The following ZMAT2 variants were observed in gnomAD, a reference collection of about 807,000 sequenced individuals.
ZMAT2 encodes the protein zinc finger matrin-type 2, also known as zinc finger matrin-type protein 2.
A neutral mutation model predicts 27.5 loss-of-function variants in ZMAT2; 5 were observed. That is an observed-to-expected ratio of 0.18 (90% confidence interval 0.10 to 0.38). ZMAT2 has a LOEUF of 0.38. ZMAT2 is among the 10% of genes least tolerant of loss of function. ZMAT2 has a pLI of 1.00. For synonymous variants in ZMAT2, 76 were observed against 78.6 expected (o/e 0.97, Z 0.17); for missense variants, 124 against 243.9 (o/e 0.51, Z 3.27).
At chr5:140,701,267 C>G (rs1482504569) in intron 2 of ZMAT2, among the ~76,000 whole-genome samples, 1 of 152,132 alleles carries the variant, frequency 6.6e-6, no homozygotes, top group African/African-American at 2.4e-5. Flanking sequence ...CCCCCTCTTT[C>G]CCTTGAAATT....
intron 3 of ZMAT2, among the ~76,000 whole-genome samples, chr5:140,702,840 C>T (rs1252266669): frequency 6.6e-6 from 1 of 152,204 alleles, no homozygotes; most frequent in Admixed American, 6.5e-5. Context: ...TTTTGCCCCC[C>T]ACTGCTTCTC....
In ZMAT2 at chr5:140,700,606, G is replaced by T. The variant is rs184889941; in HGVS notation, c.18+128G>T. On this transcript the variant is annotated intron_variant, in intron 1 of 5. Transcript: ENST00000274712. ...TCGAGATCCCAGGGTTCAGGTTCAA[G>T]AACTCCCCAGTAATAGGCCTTGGCA... The T allele has an allele frequency of 9.2e-5, 142 of 1,544,660 alleles. 2 individuals carry two copies. In the East Asian group the frequency reaches 3.0e-3, roughly 33 times the overall value.
At position 140,706,114 on chromosome 5, in the gene ZMAT2, T is replaced by TG. The variant is rs1760052910; in HGVS notation, c.*359dup. ...TTGTCTGAACATCCCACCTTTATCC[T>TG]GTGTTCTGCCTTTGTTTTAATTTTA... On this transcript the variant is annotated 3_prime_UTR_variant, in exon 6 of 6. Transcript: ENST00000274712. 4.9e-6 allele frequency: 1 copy of TG among 204,850 alleles called. No homozygotes were observed. The highest frequency in any genetic ancestry group is 1.6e-4 in the South Asian group (1 of 6,122). The allele number at this position is 204,850 out of a possible 1,614,324, so 12.7% of individuals were successfully genotyped here.
At chr5:140,701,029 G>T in intron 2 of ZMAT2, 117 bp downstream of exon 2, 2 of 948,632 alleles carry the variant, frequency 2.1e-6, no homozygotes, top group Non-Finnish European at 3.1e-6. Context: ...GCAGAGTGCT[G>T]CTTCCCTGGG....
intron 5 of ZMAT2, 80 bp from the exon 6 acceptor site, chr5:140,705,533 T>C: frequency 6.7e-7 from 1 of 1,497,762 alleles, no homozygotes; most frequent in South Asian, 1.3e-5. Context: ...ATGTACTGCA[T>C]GCCCCAGAAT....
At position 140,704,566 on chromosome 5, in the gene ZMAT2, G is replaced by A; in HGVS notation, c.451G>A (p.Glu151Lys). 1.2e-6 allele frequency: 2 copies of A among 1,613,792 alleles called. No homozygotes were observed. The highest frequency in any genetic ancestry group is 1.7e-6 in the Non-Finnish European group (2 of 1,179,918). The change falls in exon 5 of 6, where the codon GAA (glutamate) becomes AAA (lysine). Residue 151 changes from glutamate to lysine, a missense_variant. By Grantham distance (56) the Glu-to-Lys change is moderately conservative. Transcript: ENST00000274712. Reference protein sequence around the residue: ...DFEERMKELREEEEKAKAYKK... With the variant: ...DFEERMKELRKEEEKAKAYKK... ...TGAGGAAAGGATGAAGGAGCTCAGA[G>A]AAGAGGTAAGGGTCTCCTATCCTTC... is the stretch of plus-strand genomic sequence containing the variant.
intron 1 of ZMAT2, 43 bp from the exon 2 acceptor site, chr5:140,700,776 C>T (rs766862085): frequency 1.2e-5 from 19 of 1,603,542 alleles, no homozygotes; most frequent in Admixed American, 1.7e-5. Flanking sequence ...TCTCTAGGGG[C>T]CCAGACACGG....
chr5:140,701,033 C>T, intron 2 of ZMAT2, 121 bp downstream of exon 2: 1 of 930,182 alleles, frequency 1.1e-6, no homozygotes, highest in South Asian at 1.7e-5. Context: ...AGTGCTGCTT[C>T]CCTGGGCCTA....
At position 140,706,500 on chromosome 5, in the gene ZMAT2, A is replaced by G. The variant is rs139197618; in HGVS notation, c.*744A>G. On this transcript the variant is annotated 3_prime_UTR_variant, in exon 6 of 6. Coordinates refer to ENST00000274712, the MANE Select transcript of ZMAT2 (RefSeq NM_144723.3). ...TCATGTTTCATTTTCCTGAAGATTT[A>G]TGTTTTTGTCTACCTTGTGAGCAGG... 2,080 of 152,668 alleles carry G rather than the reference A, an allele frequency of 0.014. 30 individuals carry two copies. The highest frequency in any genetic ancestry group is 0.021 in the Non-Finnish European group (1,449 of 68,014). The allele number at this position is 152,668 out of a possible 1,614,324, so 9.5% of individuals were successfully genotyped here.
rs1581560338 is a variant in ZMAT2 at position 140,703,814 on chromosome 5, T to A, written c.237-104T>A. 2.8e-6 allele frequency: 3 copies of A among 1,053,784 alleles called. No homozygotes were observed. The East Asian group carries it at 7.1e-5, about 25-fold the overall frequency. The allele number at this position is 1,053,784 out of a possible 1,614,324, so 65.3% of individuals were successfully genotyped here. On this transcript the variant is annotated intron_variant, in intron 3 of 5. Coordinates refer to ENST00000274712, the MANE Select transcript of ZMAT2 (RefSeq NM_144723.3). Reference sequence around the variant, plus strand: ...CTAAGGCTTTATAGAAATGAAGGCTTAACACTTCTAAAAAGAAGTTTACCT... The same window carrying A: ...CTAAGGCTTTATAGAAATGAAGGCTAAACACTTCTAAAAAGAAGTTTACCT...
At position 140,704,502 on chromosome 5, in the gene ZMAT2, C is replaced by G. The variant is rs902147691; in HGVS notation, c.387C>G (p.Asn129Lys). 3.7e-6 allele frequency: 6 copies of G among 1,613,824 alleles called. No homozygotes were observed. Among genetic ancestry groups the G allele is most frequent in the East Asian group, 2.2e-5 (1 of 44,876 alleles). ...AGGTGAAGAAACGTTTTGAGGTCAA[C>G]AAGAAGAAGATGGAAGAGAAGCAGA... The part of the protein sequence containing the change: ...LDQVKKRFEV[N>K]KKKMEEKQKD... The change falls in exon 5 of 6, where the codon AAC becomes AAG. Residue 129 changes from asparagine to lysine, a missense_variant. Asn to Lys is a moderately conservative substitution (Grantham distance 94). Around this residue, in one of 5 missense-constraint regions of ZMAT2, gnomAD observed 53 missense variants for 82.3 expected, o/e 0.64. Coordinates refer to ENST00000274712, the MANE Select transcript of ZMAT2 (RefSeq NM_144723.3).
chr5:140,700,932 A>G lies in ZMAT2; in HGVS notation c.112+20A>G, dbSNP rs1759948695. On this transcript the variant is annotated intron_variant, in intron 2 of 5. Coordinates refer to ENST00000274712, the MANE Select transcript of ZMAT2 (RefSeq NM_144723.3). The stretch of plus-strand genomic sequence containing the variant: ...AAGATGGTGGGTGCTAACTACATCA[A>G]GGGCTAAGGGTATCACAGAGGCGAT... 6.2e-7 allele frequency: 1 copy of G among 1,611,480 alleles called. No individual in the cohort carries two copies.
intron 2 of ZMAT2, among the ~76,000 whole-genome samples, chr5:140,701,757 A>G (rs1392251077): frequency 1.3e-5 from 2 of 152,234 alleles, no homozygotes; most frequent in Non-Finnish European, 2.9e-5. Context: ...CAGTTAATCA[A>G]TGAATATAAA....
chr5:140,705,760 T>C lies in ZMAT2; in HGVS notation c.*4T>C. ...TTCCACCAAGAAGAGTTACTGAGGC[T>C]TTCTGTGCTTGGCCTGACTTTGGCC... On this transcript the variant is annotated 3_prime_UTR_variant, in exon 6 of 6. Transcript: ENST00000274712. The C allele has an allele frequency of 6.2e-7, 1 of 1,613,468 alleles. No individual in the cohort carries two copies.
intron 3 of ZMAT2, among the ~76,000 whole-genome samples, chr5:140,703,315 C>T (rs1216827624): frequency 6.6e-6 from 1 of 150,526 alleles, no homozygotes; most frequent in Non-Finnish European, 1.5e-5. Flanking sequence ...GATCTCGGCT[C>T]ACCACAGCCT....
At chr5:140,701,100 G>GA in intron 2 of ZMAT2, among the ~76,000 whole-genome samples, 188 bp downstream of exon 2, 1 of 152,290 alleles carries the variant, frequency 6.6e-6, no homozygotes, top group East Asian at 1.9e-4. Flanking sequence ...GTAGTTTTGA[G>GA]ATGCTCTTCA....
chr5:140,704,383 A>T (rs1760014655), intron 4 of ZMAT2, 43 bp from the exon 5 acceptor site: 2 of 1,572,678 alleles, frequency 1.3e-6, no homozygotes, highest in South Asian at 2.3e-5. Flanking sequence ...GGGGCTGAGG[A>T]TGTTGTAATG....
chr5:140,703,898 G>T lies in ZMAT2; in HGVS notation c.237-20G>T. ...ATCCTTAAAACCATATTTGACTCAG[G>T]TGCTGTTTCTTCCTGTTAGATATTA... On this transcript the variant is annotated intron_variant, in intron 3 of 5. Coordinates refer to ENST00000274712, the MANE Select transcript of ZMAT2 (RefSeq NM_144723.3). 6.2e-7 allele frequency: 1 copy of T among 1,610,132 alleles called. No individual in the cohort carries two copies. The highest frequency in any genetic ancestry group is 8.5e-7 in the Non-Finnish European group (1 of 1,176,908).
At chr5:140,701,495 C>G (rs1312969793) in intron 2 of ZMAT2, among the ~76,000 whole-genome samples, 1 of 152,208 alleles carries the variant, frequency 6.6e-6, no homozygotes, top group Non-Finnish European at 1.5e-5. Flanking sequence ...GTACATTCTT[C>G]TTTCCCTTTA....
Sources: allele counts gnomAD v4.1 joint callset (sites outside exome capture counted in the v4.1 genomes callset), GRCh38; gene constraint gnomAD v4.1.1; regional missense constraint gnomAD v4.1.1; transcripts MANE v1.5; gene names NCBI Gene and HGNC (gene_info 2026-07-23, HGNC 2026-07-21).